Variants in LRP1 observed in about 807,000 individuals in gnomAD.
The protein encoded by LRP1 is prolow-density lipoprotein receptor-related protein 1.
LRP1 carries 51 observed loss-of-function variants against 541.5 expected under a neutral mutation model. The observed-to-expected ratio is 0.09, with a 90% CI of 0.08 to 0.12. LRP1 has a LOEUF of 0.12. Among genes scored for constraint, LRP1 ranks in the 10% least tolerant of loss-of-function variants. The probability of loss-of-function intolerance (pLI) is 1.00; values close to 1 mark genes in which losing one functional copy is unlikely to be tolerated. For missense variants in LRP1, 3,878 were observed against 6,376.2 expected (o/e 0.61, Z 13.34); for synonymous variants, 2,219 against 2,470.8 (o/e 0.90, Z 3.02).
chr12:57,154,128 TG>T lies in LRP1; in HGVS notation c.842-77del. ...TCCAGAGAAGGTGGGCTTCCAGGTG[TG>T]GGTTCTCACCAGCAAAGGGTGGGCA... On this transcript the variant is annotated intron_variant, in intron 6 of 88. Coordinates refer to ENST00000243077, the MANE Select transcript of LRP1 (RefSeq NM_002332.3). This position sits in a 1 kb window ranked among gnomAD's most constrained non-coding sequence, Gnocchi z 4.6. The T allele has an allele frequency of 1.4e-6, 2 of 1,390,378 alleles. No homozygotes were observed. Among genetic ancestry groups the T allele is most frequent in the Non-Finnish European group, 2.0e-6 (2 of 996,318 alleles). 86.1% of individuals were successfully genotyped at this position (1,390,378 alleles called of 1,614,324 possible).
chr12:57,195,638 G>A lies in LRP1; in HGVS notation c.8438-20G>A, dbSNP rs376463988. On this transcript the variant is annotated intron_variant, in intron 52 of 88. Transcript: ENST00000243077. ...GCTGGCCAGGCAGGGCTGAAGGGCT[G>A]TGTCCACCTCTGTCCACAGTGTACA... The A allele has an allele frequency of 5.6e-6, 9 of 1,613,906 alleles. No individual in the cohort carries two copies. Among genetic ancestry groups the A allele is most frequent in the African/African-American group, 1.3e-5 (1 of 74,916 alleles).
At chr12:57,136,399 C>CA (rs905005813) in intron 1 of LRP1, among the ~76,000 whole-genome samples, 2 of 144,744 alleles carry the variant, frequency 1.4e-5, no homozygotes, top group African/African-American at 5.1e-5. Context: ...CTAAGAGCCC[C>CA]CCCCCCCCGC....
rs746102288 is a variant in LRP1 at position 57,144,957 on chromosome 12, C to T, written c.449-15C>T. The T allele has an allele frequency of 5.0e-6, 8 of 1,612,694 alleles. No individual in the cohort carries two copies. In the East Asian group the frequency reaches 1.8e-4, roughly 36 times the overall value. On this transcript the variant is annotated splice_polypyrimidine_tract_variant and intron_variant, in intron 4 of 88. Coordinates refer to ENST00000243077, the MANE Select transcript of LRP1 (RefSeq NM_002332.3). ...CACACTGGAAATGACCACATTCTTG[C>T]CCTTTCCTCGGCAGATTTTGATGAG...
intron 76 of LRP1, among the ~76,000 whole-genome samples, chr12:57,207,262 AT>A (rs2036801627): frequency 7.2e-6 from 1 of 138,954 alleles, no homozygotes; most frequent in African/African-American, 2.7e-5. Context: ...AAATAAATAA[AT>A]AAATAAATAA....
Position 57,196,578 on chromosome 12 carries a change from T to C in LRP1, c.8892+301T>C, listed in dbSNP as rs567783771. On this transcript the variant is annotated intron_variant, in intron 55 of 88. Transcript: ENST00000243077. ...GAGGGAAGTCTGGGAGTTATCACCA[T>C]AGAGATGCTATTTGAATCTGTGAGC... Among the ~76,000 whole-genome samples, 8 of 152,188 alleles carry C rather than the reference T, an allele frequency of 5.3e-5. No individual in the cohort carries two copies. In the East Asian group the frequency reaches 1.2e-3, roughly 22 times the overall value.
rs1222598634 is a variant in LRP1 at position 57,161,626 on chromosome 12, C to A, written c.2202+511C>A. 3.3e-5 allele frequency among the ~76,000 whole-genome samples: 5 copies of A among 152,212 alleles called. No individual in the cohort carries two copies. The East Asian group carries it at 7.7e-4, about 24-fold the overall frequency. ...CTCTTTTCTCCCCACTTCCTTCATCCCAACACTCTTTGAACAAGCAGCACT... is the reference window on the plus strand; with the variant it reads ...CTCTTTTCTCCCCACTTCCTTCATCACAACACTCTTTGAACAAGCAGCACT... On this transcript the variant is annotated intron_variant, in intron 13 of 88. Coordinates refer to ENST00000243077, the MANE Select transcript of LRP1 (RefSeq NM_002332.3).
At chr12:57,129,811 G>A (rs558265412) in intron 1 of LRP1, among the ~76,000 whole-genome samples, 1 of 152,178 alleles carries the variant, frequency 6.6e-6, no homozygotes, top group Non-Finnish European at 1.5e-5. Context: ...TGGGGTAGGA[G>A]GGTGGGGGAG....
rs1469484503 is a variant in LRP1 at position 57,197,191 on chromosome 12, AG to A, written c.9076+28del. On this transcript the variant is annotated intron_variant, in intron 56 of 88. Transcript: ENST00000243077. This position sits in a 1 kb window ranked among gnomAD's most constrained non-coding sequence, Gnocchi z 4.5. ...GTGAGATGCGCGCTTGGAGGGCATG[AG>A]GTGACCCAGGCTGTGTGGGACTGCC... The A allele has an allele frequency of 6.2e-7, 1 of 1,613,720 alleles. No homozygotes were observed. Among genetic ancestry groups the A allele is most frequent in the African/African-American group, 1.3e-5 (1 of 74,908 alleles).
intron 6 of LRP1, among the ~76,000 whole-genome samples, chr12:57,151,619 A>G (rs1254122476): frequency 2.0e-5 from 3 of 152,228 alleles, no homozygotes; most frequent in Non-Finnish European, 4.4e-5. Context: ...TCTGGGCTGA[A>G]GCCCAGGACT....
Position 57,179,294 on chromosome 12 carries a change from G to T in LRP1, c.4739-35G>T, listed in dbSNP as rs369344152. Reference sequence around the variant, plus strand: ...CGGATTGGTGGGAAGCACAGAGGCAGGGACTGCCTTCAGTGACCAGCCCAT... The same window carrying T: ...CGGATTGGTGGGAAGCACAGAGGCATGGACTGCCTTCAGTGACCAGCCCAT... On this transcript the variant is annotated intron_variant, in intron 28 of 88. Transcript: ENST00000243077. The surrounding 1 kb of genome is among the most constrained non-coding windows in gnomAD (Gnocchi z 6.8). 2.8e-5 allele frequency: 42 copies of T among 1,490,144 alleles called. No individual in the cohort carries two copies. Among genetic ancestry groups the T allele is most frequent in the Admixed American group, 1.0e-4 (6 of 58,638 alleles). The allele number at this position is 1,490,144 out of a possible 1,614,324, so 92.3% of individuals were successfully genotyped here.
rs1320022270 is a variant in LRP1, at chr12:57,200,465, C to T, written c.10038C>T (p.Cys3346=). 1.9e-6 allele frequency: 3 copies of T among 1,612,296 alleles called. No individual in the cohort carries two copies. Among genetic ancestry groups the T allele is most frequent in the South Asian group, 1.1e-5 (1 of 91,042 alleles). The change falls in exon 63 of 89, where the codon TGC becomes TGT. Residue 3346 remains cysteine, a synonymous_variant. Transcript: ENST00000243077. ...AGTTTGTATGCAAGAACGACAAGTG[C>T]ATCCCCTTCTGGTGGAAGTGTGACA... The part of the protein sequence containing the change: ...ASQFVCKNDK[C]IPFWWKCDTE...
rs759749656 is a variant in LRP1 at position 57,145,375 on chromosome 12, A to G, written c.726A>G (p.Val242=). 11 of 1,614,050 alleles carry G rather than the reference A, an allele frequency of 6.8e-6. No individual in the cohort carries two copies. In the Admixed American group the frequency reaches 8.3e-5, roughly 12 times the overall value. ...ACTTCAGCTATGCCAACGAGACCGT[A>G]TGCTGGGTGCATGTTGGGGACAGTG... The part of the protein sequence containing the change: ...AMDFSYANET[V]CWVHVGDSAA... Residue 242 remains valine (V), a synonymous_variant, in exon 6 of 89, where the codon GTA becomes GTG. Transcript: ENST00000243077.
Position 57,201,057 on chromosome 12 carries a change from C to A in LRP1, c.10249C>A (p.Gln3417Lys). 1 of 1,614,114 alleles carries A rather than the reference C, an allele frequency of 6.2e-7. No homozygotes were observed. The highest frequency in any genetic ancestry group is 1.1e-5 in the South Asian group (1 of 91,058). The part of the protein sequence containing the change: ...NCDIHVCLPS[Q>K]FKCTNTNRCI... ...AGACATCCACGTCTGCTTGCCCAGT[C>A]AGTTCAAATGCACCAACACCAACCG... Residue 3417 changes from glutamine (Q) to lysine (K), a missense_variant, in exon 65 of 89, where the codon CAG (glutamine) becomes AAG (lysine). Around this residue, in one of 13 missense-constraint regions of LRP1, gnomAD observed 278 missense variants for 536.3 expected, o/e 0.52. Transcript: ENST00000243077. This position sits in a 1 kb window ranked among gnomAD's most constrained non-coding sequence, Gnocchi z 6.4.
At position 57,185,526 on chromosome 12, in the gene LRP1, C is replaced by A. The variant is rs1364311000; in HGVS notation, c.6464-5C>A. The A allele has an allele frequency of 6.3e-7, 1 of 1,580,370 alleles. No homozygotes were observed. Among genetic ancestry groups the A allele is most frequent in the Non-Finnish European group, 8.6e-7 (1 of 1,160,720 alleles). On this transcript the variant is annotated splice_region_variant and splice_polypyrimidine_tract_variant and intron_variant, in intron 40 of 88. Transcript: ENST00000243077. This position sits in a 1 kb window ranked among gnomAD's most constrained non-coding sequence, Gnocchi z 4.9. ...CCCTGCCCTCTGTACCCTCCCCTCC[C>A]CCAGGCACCAACGTGTGCGCGGTGG...
chr12:57,136,147 C>T (rs1441677443), intron 1 of LRP1, among the ~76,000 whole-genome samples: 2 of 152,232 alleles, frequency 1.3e-5, no homozygotes, highest in African/African-American at 2.4e-5. Flanking sequence ...CCGGGAAGAC[C>T]TCACAGCTGG....
intron 52 of LRP1, 22 bp from the exon 53 acceptor site, chr12:57,195,636 C>T (rs764409200): frequency 1.2e-6 from 2 of 1,613,990 alleles, no homozygotes; most frequent in Non-Finnish European, 1.7e-6. Context: ...GGCTGAAGGG[C>T]TGTGTCCACC....
Position 57,177,947 on chromosome 12 carries a change from C to CTTTTT in LRP1, c.4361+371_4361+375dup, listed in dbSNP as rs34010163. Among the ~76,000 whole-genome samples the CTTTTT allele has an allele frequency of 5.8e-4, 70 of 121,306 alleles. No homozygotes were observed. The highest frequency in any genetic ancestry group is 8.9e-4 in the Non-Finnish European group (53 of 59,762). The allele number at this position is 121,306 out of a possible 152,430, so 79.6% of individuals were successfully genotyped here. ...CCCAGGGAGGGTGCCTTTTTCTTTT[C>CTTTTT]TTTTTTTTTTTTTTTTTTTGAGACA... On this transcript the variant is annotated intron_variant, in intron 26 of 88. Coordinates refer to ENST00000243077, the MANE Select transcript of LRP1 (RefSeq NM_002332.3). This position sits in a 1 kb window ranked among gnomAD's most constrained non-coding sequence, Gnocchi z 6.8.
Position 57,160,022 on chromosome 12 carries a change from C to T in LRP1, c.1979+17C>T. 4 of 1,612,242 alleles carry T rather than the reference C, an allele frequency of 2.5e-6. No individual in the cohort carries two copies. Among genetic ancestry groups the T allele is most frequent in the Non-Finnish European group, 3.4e-6 (4 of 1,178,638 alleles). ...ACTCAATGGGTGAGTCCTCCCAGGCCTTGGGGTGGGAGGAGCTGGGAGTGT... is the reference window on the plus strand; with the variant it reads ...ACTCAATGGGTGAGTCCTCCCAGGCTTTGGGGTGGGAGGAGCTGGGAGTGT... On this transcript the variant is annotated intron_variant, in intron 12 of 88. Transcript: ENST00000243077.
chr12:57,167,303 G>A, intron 18 of LRP1, 141 bp from the exon 19 acceptor site: 1 of 694,862 alleles, frequency 1.4e-6, no homozygotes. Flanking sequence ...TCCAGCCGAG[G>A]CACTGCTGCG....
Sources: allele counts gnomAD v4.1 joint callset (sites outside exome capture counted in the v4.1 genomes callset), GRCh38; gene constraint gnomAD v4.1.1; regional missense constraint gnomAD v4.1.1; non-coding constraint Gnocchi (gnomAD v3.1); transcripts MANE v1.5; gene names NCBI Gene and HGNC (gene_info 2026-07-23, HGNC 2026-07-21).